CDH8: variants seen among roughly 807,000 people sequenced by gnomAD.
CDH8 encodes cadherin 8, also known as cadherin-8.
A neutral mutation model predicts 68.1 loss-of-function variants in CDH8; 17 were observed. The observed-to-expected ratio is 0.25, with a 90% CI of 0.17 to 0.37. The LOEUF (loss-of-function observed/expected upper bound fraction) is 0.37. Ranked by LOEUF, CDH8 falls within the 10% of genes least tolerant of loss-of-function variation. The probability of loss-of-function intolerance (pLI) is 1.00; values close to 1 mark genes in which losing one functional copy is unlikely to be tolerated. For synonymous variants in CDH8, 372 were observed against 365.1 expected (o/e 1.02, Z -0.21); for missense variants, 763 against 999.3 (o/e 0.76, Z 3.19).
intron 3 of CDH8, among the ~76,000 whole-genome samples, chr16:61,898,851 T>G (rs928636000): frequency 6.6e-6 from 1 of 152,080 alleles, no homozygotes; most frequent in Non-Finnish European, 1.5e-5. Flanking sequence ...ATCAGAGTCA[T>G]TGATAAAGTC....
At position 61,972,626 on chromosome 16, in the gene CDH8, G is replaced by C. The variant is rs374212513; in HGVS notation, c.252+48526C>G. Among the ~76,000 whole-genome samples the C allele has an allele frequency of 3.9e-3, 584 of 149,612 alleles. 2 individuals carry two copies. The highest frequency in any genetic ancestry group is 0.019 in the South Asian group (89 of 4,732). ...TGTGTGTGTGTGTTTAATTGGGCCT[G>C]GTTCCCAGAGTTTTCAGAATAACCT... On this transcript the variant is annotated intron_variant, in intron 2 of 11. Transcript: ENST00000577390.
chr16:61,658,925 CTTTTGTTAGATTTAT>C (rs1963502720), intron 10 of CDH8, among the ~76,000 whole-genome samples: 1 of 152,024 alleles, frequency 6.6e-6, no homozygotes, highest in Non-Finnish European at 1.5e-5. Flanking sequence ...ATGTCCACAT[CTTTTGTTAGATTTAT>C]TTTTGCTGCT....
intron 2 of CDH8, among the ~76,000 whole-genome samples, chr16:61,967,503 A>C (rs993747833): frequency 6.6e-6 from 1 of 152,212 alleles, no homozygotes; most frequent in African/African-American, 2.4e-5. Context: ...AATAATTTGG[A>C]ATATTTGCAT....
intron 2 of CDH8, among the ~76,000 whole-genome samples, chr16:62,004,543 A>G (rs1965942367): frequency 6.6e-6 from 1 of 152,202 alleles, no homozygotes; most frequent in South Asian, 2.1e-4. Flanking sequence ...TATAACAACA[A>G]AAAAAGGTAG....
chr16:61,959,982 G>GTATATATATA (rs1434686241), intron 2 of CDH8, among the ~76,000 whole-genome samples: 10 of 31,064 alleles, frequency 3.2e-4, no homozygotes, highest in South Asian at 1.3e-3. Flanking sequence ...GTGTGTGTGT[G>GTATATATATA]TGTATATATA....
At chr16:61,729,660 A>G (rs1959480096) in intron 8 of CDH8, among the ~76,000 whole-genome samples, 1 of 151,250 alleles carries the variant, frequency 6.6e-6, no homozygotes, top group African/African-American at 2.4e-5. Context: ...GACATCCTAG[A>G]CCAATTCCTG....
At chr16:61,797,238 A>T (rs1961521142) in intron 7 of CDH8, among the ~76,000 whole-genome samples, 1 of 152,054 alleles carries the variant, frequency 6.6e-6, no homozygotes, top group South Asian at 2.1e-4. Flanking sequence ...TTTTTGTAAT[A>T]AAGAACATCA....
intron 2 of CDH8, among the ~76,000 whole-genome samples, chr16:61,975,153 T>A (rs747468797): frequency 1.3e-5 from 2 of 152,090 alleles, no homozygotes; most frequent in Non-Finnish European, 2.9e-5. Flanking sequence ...GCCATAAATC[T>A]CCTTGTCTTC....
At chr16:61,746,571 A>ACACG (rs1960028967) in intron 8 of CDH8, among the ~76,000 whole-genome samples, 1 of 145,114 alleles carries the variant, frequency 6.9e-6, no homozygotes, top group East Asian at 3.2e-4. Flanking sequence ...ACACACACAC[A>ACACG]CACACACACA....
At position 61,976,658 on chromosome 16, in the gene CDH8, C is replaced by T. The variant is rs181719871; in HGVS notation, c.252+44494G>A. 9.6e-4 allele frequency among the ~76,000 whole-genome samples: 146 copies of T among 152,206 alleles called. 1 individual carries two copies. The highest frequency in any genetic ancestry group is 3.4e-3 in the African/African-American group (143 of 41,530). On this transcript the variant is annotated intron_variant, in intron 2 of 11. Transcript: ENST00000577390. ...CAACTGGAAGTATTTTATTTTGCTA[C>T]CACCAAAAATTCCAGAAAGAAACAG...
intron 3 of CDH8, among the ~76,000 whole-genome samples, chr16:61,871,894 C>T (rs1016822609): frequency 6.8e-6 from 1 of 146,202 alleles, no homozygotes; most frequent in African/African-American, 2.5e-5. Context: ...GAGACACTCA[C>T]CGTACATATT....
chr16:61,804,440 C>T (rs1961748348), intron 7 of CDH8, among the ~76,000 whole-genome samples: 1 of 151,596 alleles, frequency 6.6e-6, no homozygotes, highest in Admixed American at 6.6e-5. Flanking sequence ...CATTCAAAAG[C>T]TAGCAGAAGG....
chr16:62,001,184 A>G (rs1376521000), intron 2 of CDH8, among the ~76,000 whole-genome samples: 3 of 152,170 alleles, frequency 2.0e-5, no homozygotes, highest in Non-Finnish European at 4.4e-5. Context: ...GGAAGAACAG[A>G]TTTGACCACC....
At chr16:61,729,927 G>A (rs1959487035) in intron 8 of CDH8, among the ~76,000 whole-genome samples, 1 of 151,194 alleles carries the variant, frequency 6.6e-6, no homozygotes, top group Non-Finnish European at 1.5e-5. Context: ...GGTTGATTAG[G>A]CCAAGTCAAC....
intron 10 of CDH8, among the ~76,000 whole-genome samples, chr16:61,673,603 CAT>C (rs757159046): frequency 6.6e-6 from 1 of 152,084 alleles, no homozygotes; most frequent in Non-Finnish European, 1.5e-5. Context: ...ATGCATAAAA[CAT>C]GCATTTCTTA....
intron 10 of CDH8, among the ~76,000 whole-genome samples, chr16:61,681,499 C>A (rs770517303): frequency 6.6e-6 from 1 of 150,680 alleles, no homozygotes; most frequent in Non-Finnish European, 1.5e-5. Context: ...AAAGTAGATT[C>A]ATTATTGTCT....
chr16:61,703,933 G>C (rs529356436), intron 10 of CDH8, among the ~76,000 whole-genome samples: 3 of 152,228 alleles, frequency 2.0e-5, no homozygotes, highest in Non-Finnish European at 2.9e-5. Context: ...GTGTGTGTCT[G>C]TGTGTGTAAA....
At chr16:61,879,503 C>T (rs1472913039) in intron 3 of CDH8, among the ~76,000 whole-genome samples, 2 of 152,170 alleles carry the variant, frequency 1.3e-5, no homozygotes, top group Non-Finnish European at 2.9e-5. Flanking sequence ...ATGTAAGACC[C>T]TGAAATTGGC....
chr16:61,942,893 A>G (rs1441624875), intron 2 of CDH8, among the ~76,000 whole-genome samples: 1 of 152,082 alleles, frequency 6.6e-6, no homozygotes, highest in Non-Finnish European at 1.5e-5. Flanking sequence ...ACAACACGGC[A>G]AAACCGCACC....
Sources: gnomAD v4.1 joint callset for allele counts (sites outside exome capture counted in the v4.1 genomes callset) on GRCh38, gnomAD v4.1.1 for gene constraint, MANE v1.5 for transcripts, NCBI Gene and HGNC (gene_info 2026-07-23, HGNC 2026-07-21) for gene names.